TENM3: variants seen among roughly 807,000 people sequenced by gnomAD.
TENM3 encodes the protein teneurin transmembrane protein 3, also known as teneurin-3.
A neutral mutation model predicts 255.1 loss-of-function variants in TENM3; 63 were observed. That is an observed-to-expected ratio of 0.25 (90% CI 0.20 to 0.30). The LOEUF (loss-of-function observed/expected upper bound fraction) is 0.30. Ranked by LOEUF, TENM3 falls within the 10% of genes least tolerant of loss-of-function variation. The probability of loss-of-function intolerance (pLI) is 1.00; values close to 1 mark genes in which losing one functional copy is unlikely to be tolerated. For missense variants in TENM3, 2,929 were observed against 3,461.1 expected, an observed-to-expected ratio of 0.85 and a Z score of 3.86; for synonymous variants, 1,306 against 1,322.3, an observed-to-expected ratio of 0.99 and a Z score of 0.27.
the TENM3 span, among the ~76,000 whole-genome samples, chr4:181,924,676 C>T: frequency 6.6e-6 from 1 of 152,106 alleles, no homozygotes; most frequent in East Asian, 1.9e-4. Context: ...TTTAAATAAG[C>T]TTCATCAACA....
At chr4:181,953,591 G>A in the TENM3 span, among the ~76,000 whole-genome samples, 1 of 152,010 alleles carries the variant, frequency 6.6e-6, no homozygotes, top group Admixed American at 6.6e-5. Flanking sequence ...CTGAGGCAGA[G>A]AATTGCTTGA....
chr4:182,188,297 T>C (rs1330783508), intron 1 of TENM3, among the ~76,000 whole-genome samples: 1 of 152,132 alleles, frequency 6.6e-6, no homozygotes, highest in Non-Finnish European at 1.5e-5. Flanking sequence ...TAGACCTCAG[T>C]TTCCATATCT....
At chr4:181,930,843 A>C in the TENM3 span, among the ~76,000 whole-genome samples, 2 of 152,350 alleles carry the variant, frequency 1.3e-5, no homozygotes, top group Admixed American at 1.3e-4. Flanking sequence ...CATACCTGGA[A>C]TGCAAGGCTG....
At chr4:181,553,955 C>G in the TENM3 span, among the ~76,000 whole-genome samples, 2 of 152,176 alleles carry the variant, frequency 1.3e-5, no homozygotes, top group Non-Finnish European at 2.9e-5. Context: ...GTCCTCTCTG[C>G]CAGCTCTCCA....
At chr4:182,535,154 T>C (rs1263322106) in intron 3 of TENM3, among the ~76,000 whole-genome samples, 1 of 152,182 alleles carries the variant, frequency 6.6e-6, no homozygotes, top group African/African-American at 2.4e-5. Flanking sequence ...ACATTTTCCT[T>C]AGATGATTAG....
chr4:181,840,984 A>G, the TENM3 span, among the ~76,000 whole-genome samples: 8 of 152,142 alleles, frequency 5.3e-5, no homozygotes, highest in Non-Finnish European at 1.2e-4. Context: ...TAAGTTTTCT[A>G]GCAATCCATG....
intron 1 of TENM3, among the ~76,000 whole-genome samples, chr4:182,211,639 C>T (rs1755047645): frequency 6.6e-6 from 1 of 152,132 alleles, no homozygotes; most frequent in African/African-American, 2.4e-5. Flanking sequence ...TTTTCAAAAG[C>T]GCTGGAATCC....
the TENM3 span, among the ~76,000 whole-genome samples, chr4:182,044,522 G>A: frequency 6.6e-6 from 1 of 152,188 alleles, no homozygotes; most frequent in African/African-American, 2.4e-5. Flanking sequence ...TCCAAAAAGG[G>A]CACTGAGAAG....
At chr4:181,994,303 AAAATC>A in the TENM3 span, among the ~76,000 whole-genome samples, 1 of 152,154 alleles carries the variant, frequency 6.6e-6, no homozygotes, top group African/African-American at 2.4e-5. Context: ...AAGGGAGTAA[AAAATC>A]AAATCATTCA....
At chr4:182,107,457 C>T in the TENM3 span, among the ~76,000 whole-genome samples, 1 of 152,182 alleles carries the variant, frequency 6.6e-6, no homozygotes, top group Non-Finnish European at 1.5e-5. Flanking sequence ...CAGTTCTCCC[C>T]TTTTCTCAGG....
intron 3 of TENM3, among the ~76,000 whole-genome samples, chr4:182,381,823 A>C (rs1056307350): frequency 2.0e-5 from 3 of 152,060 alleles, no homozygotes; most frequent in Admixed American, 2.0e-4. Context: ...GGCCTCCCAA[A>C]GTGCTGGGAT....
At chr4:182,434,705 G>C (rs1417550949) in intron 3 of TENM3, among the ~76,000 whole-genome samples, 1 of 151,362 alleles carries the variant, frequency 6.6e-6, no homozygotes, top group Non-Finnish European at 1.5e-5. Flanking sequence ...TTCTGCTTGA[G>C]CTTATCAAAT....
the TENM3 span, among the ~76,000 whole-genome samples, chr4:181,515,763 T>C: frequency 0.062 from 9,452 of 152,222 alleles, 389 homozygotes; most frequent in South Asian, 0.14. Context: ...TATTCCATGA[T>C]GAGACATTGT....
intron 5 of TENM3, among the ~76,000 whole-genome samples, chr4:182,637,440 C>G (rs945833778): frequency 6.6e-6 from 1 of 152,192 alleles, no homozygotes; most frequent in Non-Finnish European, 1.5e-5. Flanking sequence ...AGGATCACCA[C>G]TTGAGCCTCG....
chr4:181,988,598 C>A, the TENM3 span, among the ~76,000 whole-genome samples: 1 of 152,200 alleles, frequency 6.6e-6, no homozygotes, highest in African/African-American at 2.4e-5. Context: ...AGGTACTCTT[C>A]TAAGTATTTT....
At chr4:181,682,855 A>G in the TENM3 span, among the ~76,000 whole-genome samples, 1 of 152,048 alleles carries the variant, frequency 6.6e-6, no homozygotes, top group South Asian at 2.1e-4. Flanking sequence ...GGTCAGGCAC[A>G]TCCTGCACAC....
chr4:181,888,543 T>TACAC, the TENM3 span, among the ~76,000 whole-genome samples: 4 of 115,910 alleles, frequency 3.5e-5, no homozygotes, highest in African/African-American at 1.0e-4. Context: ...TGTGTATATA[T>TACAC]ATATATGTAT....
chr4:182,719,972 G>A (rs1759576403), intron 13 of TENM3, among the ~76,000 whole-genome samples: 1 of 151,928 alleles, frequency 6.6e-6, no homozygotes, highest in Non-Finnish European at 1.5e-5. Context: ...GAGGTGGGAG[G>A]ATCACCTGAG....
intron 12 of TENM3, among the ~76,000 whole-genome samples, chr4:182,708,854 A>T (rs1454244453): frequency 6.6e-6 from 1 of 151,978 alleles, no homozygotes; most frequent in Non-Finnish European, 1.5e-5. Flanking sequence ...GCCATCTCAC[A>T]GGAAATATGG....
Sources: gnomAD v4.1 joint callset for allele counts (sites outside exome capture counted in the v4.1 genomes callset) on GRCh38, gnomAD v4.1.1 for gene constraint, MANE v1.5 for transcripts, NCBI Gene and HGNC (gene_info 2026-07-23, HGNC 2026-07-21) for gene names.